The following GTF2B variants were observed in gnomAD, a reference collection of about 807,000 sequenced individuals.
GTF2B encodes transcription initiation factor IIB.
Under a neutral mutation model 34.6 loss-of-function variants are expected in GTF2B, and 20 were observed. The observed-to-expected ratio is 0.58, with a 90% confidence interval of 0.41 to 0.84. GTF2B has a LOEUF of 0.84. Among genes scored for constraint, GTF2B ranks in the 40% least tolerant of loss-of-function variants. The pLI is 0.00. For synonymous variants in GTF2B, 142 were observed against 132.4 expected, an observed-to-expected ratio of 1.07 and a Z score of -0.50; for missense variants, 237 against 393.3, an observed-to-expected ratio of 0.60 and a Z score of 3.36.
chr1:88,869,335 A>T (rs530927318), intron 2 of GTF2B, among the ~76,000 whole-genome samples: 1 of 152,314 alleles, frequency 6.6e-6, no homozygotes, highest in African/African-American at 2.4e-5. Context: ...ACAGATACTG[A>T]GGGATGGAGT....
In GTF2B at chr1:88,853,363, G is replaced by T. The variant is rs764636485; in HGVS notation, c.818-17C>A. On this transcript the variant is annotated splice_polypyrimidine_tract_variant and intron_variant, in intron 6 of 6. Transcript: ENST00000370500. ...CTCCAATTTCTAAAAGACAAAAATC[G>T]AAACATTAACCATCATTTCCATCCT... 1 of 1,607,946 alleles carries T rather than the reference G, an allele frequency of 6.2e-7. No homozygotes were observed.
chr1:88,881,867 C>T (rs892394881), intron 2 of GTF2B, among the ~76,000 whole-genome samples: 4 of 151,952 alleles, frequency 2.6e-5, no homozygotes, highest in Non-Finnish European at 5.9e-5. Flanking sequence ...AAAGTACAAG[C>T]AAAAATTAGG....
At chr1:88,888,944 G>C (rs1209988775) in intron 1 of GTF2B, among the ~76,000 whole-genome samples, 1 of 152,206 alleles carries the variant, frequency 6.6e-6, no homozygotes, top group African/African-American at 2.4e-5. Context: ...AGTGGTATCT[G>C]ATTTCCTTAC....
Position 88,885,462 on chromosome 1 carries a change from CTT to C in GTF2B, c.124+1797_124+1798del, listed in dbSNP as rs202023208. On this transcript the variant is annotated intron_variant, in intron 2 of 6. Coordinates refer to ENST00000370500, the MANE Select transcript of GTF2B (RefSeq NM_001514.6). ...GCGAAACTCTGTATCAAAAAAAAAACTTTGGCCAGGCGCAGTGGCTCACGCCT... is the reference window on the plus strand; with the variant it reads ...GCGAAACTCTGTATCAAAAAAAAAACTGGCCAGGCGCAGTGGCTCACGCCT... Among the ~76,000 whole-genome samples the C allele has an allele frequency of 4.7e-3, 679 of 144,556 alleles. 2 individuals carry two copies. Among genetic ancestry groups the C allele is most frequent in the African/African-American group, 0.016 (637 of 39,048 alleles). 94.8% of individuals were successfully genotyped at this position (144,556 alleles called of 152,430 possible).
intron 6 of GTF2B, among the ~76,000 whole-genome samples, chr1:88,855,914 T>C (rs1673292786): frequency 6.6e-6 from 1 of 152,232 alleles, no homozygotes; most frequent in African/African-American, 2.4e-5. Context: ...CATGCATTTG[T>C]TCATGAATAA....
intron 2 of GTF2B, among the ~76,000 whole-genome samples, chr1:88,886,923 A>G (rs74506678): frequency 6.8e-6 from 1 of 147,290 alleles, no homozygotes; most frequent in Non-Finnish European, 1.5e-5. Context: ...TATTATTATT[A>G]TTATTTTTTT....
intron 2 of GTF2B, among the ~76,000 whole-genome samples, chr1:88,867,704 T>C (rs1673592039): frequency 6.6e-6 from 1 of 152,252 alleles, no homozygotes; most frequent in Non-Finnish European, 1.5e-5. Context: ...TTAGCTAAGA[T>C]GCTTCATTTC....
intron 2 of GTF2B, among the ~76,000 whole-genome samples, chr1:88,872,265 C>A (rs944828277): frequency 1.3e-5 from 2 of 151,474 alleles, no homozygotes; most frequent in African/African-American, 4.8e-5. Context: ...ACAAGCCTGA[C>A]CAACATAGTG....
chr1:88,881,305 T>C (rs1028741159), intron 2 of GTF2B, among the ~76,000 whole-genome samples: 1 of 152,122 alleles, frequency 6.6e-6, no homozygotes, highest in South Asian at 2.1e-4. Context: ...TGTTGTAGAC[T>C]ATACCATCTA....
chr1:88,860,417 CTAT>C, intron 3 of GTF2B, 131 bp from the exon 4 acceptor site: 1 of 637,782 alleles, frequency 1.6e-6, no homozygotes, highest in Admixed American at 2.9e-5. Flanking sequence ...TCCTGCTCAT[CTAT>C]ACTAAATGAA....
intron 2 of GTF2B, among the ~76,000 whole-genome samples, chr1:88,886,201 T>C (rs1053059036): frequency 6.6e-6 from 1 of 152,236 alleles, no homozygotes; most frequent in Non-Finnish European, 1.5e-5. Context: ...ACTCCCACTA[T>C]AGGTCTGAGG....
At position 88,891,415 on chromosome 1, in the gene GTF2B, G is replaced by A. The variant is rs1340264110; in HGVS notation, c.17+68C>T. 3.9e-6 allele frequency: 5 copies of A among 1,296,436 alleles called. 1 individual carries two copies. The South Asian group carries it at 5.0e-5, about 13-fold the overall frequency. 80.3% of individuals were successfully genotyped at this position (1,296,436 alleles called of 1,614,324 possible). A position where few individuals can be genotyped will look rare whatever the true frequency, so the allele number is the denominator to read the frequency against. ...GCTCAGCCCTACGAGGCTGCCCGGA[G>A]GCCGCCTAAAAGCCGGCGGCGCTCG... On this transcript the variant is annotated intron_variant, in intron 1 of 6. Transcript: ENST00000370500.
chr1:88,862,235 T>A (rs917920277), intron 3 of GTF2B, among the ~76,000 whole-genome samples: 1 of 152,174 alleles, frequency 6.6e-6, no homozygotes, highest in Non-Finnish European at 1.5e-5. Flanking sequence ...GTGATAAATC[T>A]AGCAGCTTAA....
intron 2 of GTF2B, among the ~76,000 whole-genome samples, chr1:88,881,669 T>C (rs565179075): frequency 6.6e-6 from 1 of 152,322 alleles, no homozygotes; most frequent in East Asian, 1.9e-4. Flanking sequence ...TACCGTATAT[T>C]TTAAAATAAG....
intron 3 of GTF2B, among the ~76,000 whole-genome samples, chr1:88,863,015 G>A (rs1305962393): frequency 1.3e-5 from 2 of 151,190 alleles, no homozygotes; most frequent in Non-Finnish European, 2.9e-5. Context: ...ATAAAATGGT[G>A]TATACTTCCT....
Position 88,879,876 on chromosome 1 carries a change from T to C in GTF2B, c.124+7385A>G, listed in dbSNP as rs199764482. ...TTTGAGACCAGCCTGGGCAACATGG[T>C]GAAACCCCGTCTCTACTAAAAATAC... On this transcript the variant is annotated intron_variant, in intron 2 of 6. Transcript: ENST00000370500. Among the ~76,000 whole-genome samples, 304 of 151,918 alleles carry C rather than the reference T, an allele frequency of 2.0e-3. 3 individuals carry two copies. The East Asian group carries it at 0.038, about 19-fold the overall frequency.
chr1:88,854,347 C>T (rs576055854), intron 6 of GTF2B, among the ~76,000 whole-genome samples: 11 of 152,162 alleles, frequency 7.2e-5, no homozygotes, highest in African/African-American at 9.6e-5. Flanking sequence ...TGAGCTCAAA[C>T]GAACATTGTA....
At position 88,891,534 on chromosome 1, in the gene GTF2B, A is replaced by G. The variant is rs768691607; in HGVS notation, c.-35T>C. On this transcript the variant is annotated 5_prime_UTR_variant, in exon 1 of 7. Transcript: ENST00000370500. ...GACTGCGGTGCCCGCAACAAGACAC[A>G]ACAGACACACCGAAAGCAGGAAGCG... 18 of 1,592,480 alleles carry G rather than the reference A, an allele frequency of 1.1e-5. No individual in the cohort carries two copies. The East Asian group carries it at 3.2e-4, about 28-fold the overall frequency.
chr1:88,868,768 C>T (rs1042097946), intron 2 of GTF2B, among the ~76,000 whole-genome samples: 1 of 150,504 alleles, frequency 6.6e-6, no homozygotes, highest in Non-Finnish European at 1.5e-5. Flanking sequence ...CGGAGTCTCG[C>T]TCTGTCGCCC....
Sources: gnomAD v4.1 joint callset for allele counts (sites outside exome capture counted in the v4.1 genomes callset) on GRCh38, gnomAD v4.1.1 for gene constraint, MANE v1.5 for transcripts, NCBI Gene and HGNC (gene_info 2026-07-23, HGNC 2026-07-21) for gene names.